The following MAPKAPK3 variants were observed in gnomAD, a reference collection of about 807,000 sequenced individuals.
MAPKAPK3 encodes MAP kinase-activated protein kinase 3.
Under a neutral mutation model 49.2 loss-of-function variants are expected in MAPKAPK3, and 35 were observed. That is an observed-to-expected ratio of 0.71 (90% CI 0.54 to 0.94). The LOEUF is 0.94. Among genes scored for constraint, MAPKAPK3 ranks in the 40% least tolerant of loss-of-function variants. MAPKAPK3 has a pLI of 0.00. For missense variants in MAPKAPK3, 398 were observed against 493.1 expected, an observed-to-expected ratio of 0.81 and a Z score of 1.83; for synonymous variants, 178 against 188.7, an observed-to-expected ratio of 0.94 and a Z score of 0.46.
chr3:50,639,780 G>T (rs774492812), intron 2 of MAPKAPK3, among the ~76,000 whole-genome samples: 2 of 152,060 alleles, frequency 1.3e-5, no homozygotes, highest in Non-Finnish European at 1.5e-5. Flanking sequence ...GCAGATTTGC[G>T]TGTTAGTGCA....
intron 2 of MAPKAPK3, among the ~76,000 whole-genome samples, chr3:50,635,200 T>C (rs2033004119): frequency 6.6e-6 from 1 of 151,916 alleles, no homozygotes; most frequent in African/African-American, 2.4e-5. Flanking sequence ...TAGTGTGGAG[T>C]CATGTACCTA....
intron 2 of MAPKAPK3, among the ~76,000 whole-genome samples, chr3:50,635,166 C>T (rs1419805501): frequency 2.0e-5 from 3 of 152,164 alleles, no homozygotes; most frequent in Admixed American, 2.0e-4. Context: ...GGAGCTCTTA[C>T]TTTGGGACAT....
chr3:50,621,807 A>T (rs957199118), intron 2 of MAPKAPK3, among the ~76,000 whole-genome samples: 1 of 152,160 alleles, frequency 6.6e-6, no homozygotes, highest in African/African-American at 2.4e-5. Context: ...AAAAGGCCTT[A>T]TGGAGACATA....
intron 1 of MAPKAPK3, 55 bp downstream of exon 1, chr3:50,617,296 A>C: frequency 2.8e-6 from 1 of 352,358 alleles, no homozygotes; most frequent in Non-Finnish European, 5.1e-6. Flanking sequence ...CGCGGCCATT[A>C]GGCGCCCGGC....
intron 2 of MAPKAPK3, among the ~76,000 whole-genome samples, chr3:50,618,443 C>A (rs1183288023): frequency 3.3e-5 from 5 of 152,092 alleles, no homozygotes; most frequent in Admixed American, 2.6e-4. Flanking sequence ...CTATAGGCTC[C>A]CTGGAGACCT....
At chr3:50,614,539 G>GTA (rs1259656007), upstream of MAPKAPK3, among the ~76,000 whole-genome samples, 2 of 148,104 alleles carry the variant, frequency 1.4e-5, no homozygotes, top group Non-Finnish European at 3.0e-5. Flanking sequence ...GTGTGTGTGT[G>GTA]TGTAGGATTT....
intron 2 of MAPKAPK3, among the ~76,000 whole-genome samples, chr3:50,622,843 A>T (rs1459403982): frequency 6.6e-6 from 1 of 152,240 alleles, no homozygotes; most frequent in African/African-American, 2.4e-5. Context: ...TGCACCTCTG[A>T]GTAGACAGAG....
chr3:50,641,875 A>G, intron 4 of MAPKAPK3, 104 bp downstream of exon 4: 6 of 996,138 alleles, frequency 6.0e-6, no homozygotes, highest in Admixed American at 1.8e-5. Flanking sequence ...CAGTCTTCCC[A>G]TCTGAATAAG....
chr3:50,633,815 G>A (rs1278192277), intron 2 of MAPKAPK3, among the ~76,000 whole-genome samples: 6 of 152,208 alleles, frequency 3.9e-5, no homozygotes, highest in African/African-American at 1.4e-4. Flanking sequence ...TTTGTAAACT[G>A]CAAATTGTTT....
In MAPKAPK3 at chr3:50,617,731, G is replaced by C. The variant is rs1281857290; in HGVS notation, c.166G>C (p.Gly56Arg). 3 of 1,613,556 alleles carry C rather than the reference G, an allele frequency of 1.9e-6. No individual in the cohort carries two copies. In the South Asian group the frequency reaches 3.3e-5, roughly 18 times the overall value. ...SKQVLGLGVN[G>R]KVLECFHRRT... ...GCAGGTGCTGGGCCTGGGTGTGAAC[G>C]GCAAAGTGCTGGAGTGCTTCCATCG... The change falls in exon 2 of 11, where the codon GGC becomes CGC. Residue 56 changes from glycine (G) to arginine (R), a missense_variant. This residue lies in a region of MAPKAPK3 where 123 missense variants were observed against 117.7 expected (regional missense o/e 1.04). Coordinates refer to ENST00000621469, the MANE Select transcript of MAPKAPK3 (RefSeq NM_001243925.2).
Position 50,648,143 on chromosome 3 carries a change from CA to C in MAPKAPK3, c.*101del, listed in dbSNP as rs35676349. ...GGAGGGCCCAGGGTCATTCTTTTAA[CA>C]AAAGGATTATTTTGTTGTGTTTTAA... On this transcript the variant is annotated 3_prime_UTR_variant, in exon 11 of 11. Transcript: ENST00000621469. The C allele has an allele frequency of 0.38, 469,340 of 1,228,360 alleles. 98,273 individuals are homozygous for C. Among genetic ancestry groups the C allele is most frequent in the Non-Finnish European group, 0.41 (365,477 of 883,876 alleles). 76.1% of individuals were successfully genotyped at this position (1,228,360 alleles called of 1,614,324 possible). A position where few individuals can be genotyped will look rare whatever the true frequency, so the allele number is the denominator to read the frequency against.
chr3:50,629,261 G>A (rs2107583073), intron 2 of MAPKAPK3, among the ~76,000 whole-genome samples: 1 of 152,260 alleles, frequency 6.6e-6, no homozygotes, highest in East Asian at 1.9e-4. Context: ...TGCTGAATTG[G>A]AGAGGTTCTG....
chr3:50,634,491 CTT>C (rs755345871), intron 2 of MAPKAPK3, among the ~76,000 whole-genome samples: 3 of 142,646 alleles, frequency 2.1e-5, no homozygotes, highest in Non-Finnish European at 1.6e-5. Flanking sequence ...TCTTCTTCTT[CTT>C]TTTTTTTTTT....
intron 2 of MAPKAPK3, among the ~76,000 whole-genome samples, chr3:50,637,404 G>C (rs1034546701): frequency 6.6e-6 from 1 of 152,048 alleles, no homozygotes; most frequent in Non-Finnish European, 1.5e-5. Context: ...CCAGCACTTT[G>C]GGTGGGTGGA....
In MAPKAPK3 at chr3:50,642,328, T is replaced by C; in HGVS notation, c.500T>C (p.Val167Ala). The C allele has an allele frequency of 6.2e-7, 1 of 1,611,176 alleles. No homozygotes were observed. The highest frequency in any genetic ancestry group is 8.5e-7 in the Non-Finnish European group (1 of 1,179,268). ...AGCCATAACATTGCCCACCGAGATG[T>C]CAAGGTGAGGCTCCAGGATTCAGGT... ...LHSHNIAHRD[V>A]KPENLLYTSK... Residue 167 changes from valine to alanine, a missense_variant, in exon 5 of 11, where the codon GTC becomes GCC. Coordinates refer to ENST00000621469, the MANE Select transcript of MAPKAPK3 (RefSeq NM_001243925.2).
intron 2 of MAPKAPK3, among the ~76,000 whole-genome samples, chr3:50,630,912 G>T (rs1325793266): frequency 6.6e-6 from 1 of 152,154 alleles, no homozygotes; most frequent in East Asian, 1.9e-4. Flanking sequence ...CACAGTACTG[G>T]CCCAGCACCA....
At chr3:50,647,350 C>A in intron 10 of MAPKAPK3, 147 bp downstream of exon 10, 1 of 654,980 alleles carries the variant, frequency 1.5e-6, no homozygotes, top group Non-Finnish European at 2.7e-6. Flanking sequence ...GTGGTCCAAC[C>A]ATGGCACTCC....
intron 2 of MAPKAPK3, among the ~76,000 whole-genome samples, chr3:50,625,519 G>A (rs1483884353): frequency 2.6e-5 from 4 of 152,182 alleles, no homozygotes; most frequent in African/African-American, 9.7e-5. Context: ...TCCCGTTTGG[G>A]GAACAAGGAG....
intron 2 of MAPKAPK3, among the ~76,000 whole-genome samples, chr3:50,620,170 C>T (rs1439795570): frequency 2.0e-5 from 3 of 152,162 alleles, no homozygotes; most frequent in Admixed American, 1.3e-4. Flanking sequence ...GCTGTGGCCA[C>T]GAGGAGGAAG....
Sources: gnomAD v4.1 joint callset for allele counts (sites outside exome capture counted in the v4.1 genomes callset) on GRCh38, gnomAD v4.1.1 for gene constraint, gnomAD v4.1.1 regional missense constraint, MANE v1.5 for transcripts, NCBI Gene and HGNC (gene_info 2026-07-23, HGNC 2026-07-21) for gene names.